The following SYCE1 variants were observed in gnomAD, a reference collection of about 807,000 sequenced individuals.
The protein encoded by SYCE1 is cancer/testis antigen 76.
SYCE1 carries 37 observed loss-of-function variants against 55.1 expected under a neutral mutation model. That is an observed-to-expected ratio of 0.67 (90% confidence interval 0.52 to 0.88). The LOEUF (loss-of-function observed/expected upper bound fraction) is 0.88, where lower values mean the gene tolerates loss of function less well. Among genes scored for constraint, SYCE1 ranks in the 40% least tolerant of loss-of-function variants. SYCE1 has a pLI of 0.00. For synonymous variants in SYCE1, 163 were observed against 159.4 expected, an observed-to-expected ratio of 1.02 and a Z score of -0.17; for missense variants, 399 against 416.4, an observed-to-expected ratio of 0.96 and a Z score of 0.36.
chr10:133,560,265 C>T lies in SYCE1; in HGVS notation c.74-112G>A, dbSNP rs1339389061. ...TCCAGCCAGAGTGGTGCCCCTTCTT[C>T]TTGTCCTGAGGTGGACAGTACACTA... On this transcript the variant is annotated intron_variant, in intron 1 of 12. Coordinates refer to ENST00000343131, the MANE Select transcript of SYCE1 (RefSeq NM_001143764.3). The T allele has an allele frequency of 1.1e-5, 9 of 844,680 alleles. No individual in the cohort carries two copies. In the East Asian group the frequency reaches 2.0e-4, roughly 19 times the overall value. 52.3% of individuals were successfully genotyped at this position (844,680 alleles called of 1,614,324 possible).
rs1245513948 is a variant in SYCE1, at chr10:133,554,882, G to A, written c.*110C>T. 6.9e-7 allele frequency: 1 copy of A among 1,458,244 alleles called. No individual in the cohort carries two copies. The highest frequency in any genetic ancestry group is 9.0e-7 in the Non-Finnish European group (1 of 1,104,980). 90.3% of individuals were successfully genotyped at this position (1,458,244 alleles called of 1,614,324 possible). A position where few individuals can be genotyped will look rare whatever the true frequency, so the allele number is the denominator to read the frequency against. On this transcript the variant is annotated 3_prime_UTR_variant, in exon 13 of 13. Coordinates refer to ENST00000343131, the MANE Select transcript of SYCE1 (RefSeq NM_001143764.3). ...GAAGCATTTATTGAAAACCTGTGATGTACCTCTGGCCCAGACCAAGAGGCA... is the reference window on the plus strand; with the variant it reads ...GAAGCATTTATTGAAAACCTGTGATATACCTCTGGCCCAGACCAAGAGGCA...
At chr10:133,560,001 C>T in intron 2 of SYCE1, 90 bp downstream of exon 2, 2 of 1,085,704 alleles carry the variant, frequency 1.8e-6, no homozygotes, top group East Asian at 2.4e-5. Context: ...GATTATTTCC[C>T]AAATTCGTAC....
chr10:133,561,573 C>T lies in SYCE1; in HGVS notation c.74-1420G>A, dbSNP rs1851815756. ...GGAAGACAAGTTTGAGGGTTTTTTT[C>T]CTGCTTCTAAGATGATAGAGAGCAG... On this transcript the variant is annotated intron_variant, in intron 1 of 12. Transcript: ENST00000343131. 2.0e-5 allele frequency among the ~76,000 whole-genome samples: 3 copies of T among 152,074 alleles called. 1 individual carries two copies. The South Asian group carries it at 6.2e-4, about 32-fold the overall frequency.
chr10:133,557,318 TG>T (rs1416062501), intron 6 of SYCE1, 162 bp from the exon 7 acceptor site: 1 of 651,728 alleles, frequency 1.5e-6, no homozygotes, highest in South Asian at 1.8e-5. Context: ...ATTTGCCCCC[TG>T]GAAGTATTGT....
rs780185568 is a variant in SYCE1 at position 133,558,166 on chromosome 10, C to T, written c.319+1G>A. 6.2e-7 allele frequency: 1 copy of T among 1,614,180 alleles called. No homozygotes were observed. Among genetic ancestry groups the T allele is most frequent in the South Asian group, 1.1e-5 (1 of 91,076 alleles). On this transcript the variant is annotated splice_donor_variant, in intron 5 of 12. Coordinates refer to ENST00000343131, the MANE Select transcript of SYCE1 (RefSeq NM_001143764.3). LOFTEE classifies it high-confidence loss of function. ...CCTGGAGACAGGGGAGCGGCAAATA[C>T]CTTGTTTTTTGCTCAAGATCTCCTT... is the stretch of plus-strand genomic sequence containing the variant.
rs1410075798 is a variant in SYCE1, at chr10:133,559,281, G to A, written c.196+20C>T. 6 of 1,613,696 alleles carry A rather than the reference G, an allele frequency of 3.7e-6. No individual in the cohort carries two copies. The highest frequency in any genetic ancestry group is 5.1e-6 in the Non-Finnish European group (6 of 1,179,694). On this transcript the variant is annotated intron_variant, in intron 3 of 12. Transcript: ENST00000343131. ...ACCATGCAGCTGGTCCTAGCTGGCA[G>A]CCAAGGCCCCTGAACTCACCTTGCT...
Position 133,554,958 on chromosome 10 carries a change from T to C in SYCE1, c.*34A>G, listed in dbSNP as rs2183163. 0.11 allele frequency: 168,102 copies of C among 1,497,280 alleles called. 10,657 individuals are homozygous for C. The highest frequency in any genetic ancestry group is 0.27 in the East Asian group (10,762 of 40,434). 92.7% of individuals were successfully genotyped at this position (1,497,280 alleles called of 1,614,324 possible). Reference sequence around the variant, plus strand: ...CACAGGAGACTGGGGATCTTGGGCCTGACCCCTACTCCTCACCAGTAGACT... The same window carrying C: ...CACAGGAGACTGGGGATCTTGGGCCCGACCCCTACTCCTCACCAGTAGACT... On this transcript the variant is annotated 3_prime_UTR_variant, in exon 13 of 13. Transcript: ENST00000343131.
At chr10:133,559,529 A>G (rs555251664) in intron 2 of SYCE1, 169 bp from the exon 3 acceptor site, 5 of 653,772 alleles carry the variant, frequency 7.6e-6, no homozygotes, top group Non-Finnish European at 1.4e-5. Context: ...AAGACTGGGA[A>G]CAGACACAAT....
In SYCE1 at chr10:133,554,885, C is replaced by G; in HGVS notation, c.*107G>C. The G allele has an allele frequency of 6.8e-7, 1 of 1,460,838 alleles. No homozygotes were observed. The highest frequency in any genetic ancestry group is 9.0e-7 in the Non-Finnish European group (1 of 1,106,232). 90.5% of individuals were successfully genotyped at this position (1,460,838 alleles called of 1,614,324 possible). A position where few individuals can be genotyped will look rare whatever the true frequency, so the allele number is the denominator to read the frequency against. On this transcript the variant is annotated 3_prime_UTR_variant, in exon 13 of 13. Coordinates refer to ENST00000343131, the MANE Select transcript of SYCE1 (RefSeq NM_001143764.3). ...GCATTTATTGAAAACCTGTGATGTA[C>G]CTCTGGCCCAGACCAAGAGGCAGAG...
intron 1 of SYCE1, 50 bp downstream of exon 1, chr10:133,565,406 GC>G: frequency 6.9e-7 from 1 of 1,459,588 alleles, no homozygotes; most frequent in South Asian, 1.4e-5. Flanking sequence ...ACCCTGCCCC[GC>G]CTCGGCGAGG....
Position 133,556,750 on chromosome 10 carries a change from G to A in SYCE1, c.528+9C>T, listed in dbSNP as rs766793997. On this transcript the variant is annotated intron_variant, in intron 8 of 12. Transcript: ENST00000343131. The stretch of plus-strand genomic sequence containing the variant: ...GTGGAAGGGGGAGGAGTGGCTTTGA[G>A]GGACTCACGTGGAAGTCCCAGAGGT... 1 of 1,559,068 alleles carries A rather than the reference G, an allele frequency of 6.4e-7. No homozygotes were observed. Among genetic ancestry groups the A allele is most frequent in the South Asian group, 1.2e-5 (1 of 84,700 alleles).
intron 12 of SYCE1, 88 bp downstream of exon 12, chr10:133,555,263 C>G: frequency 6.3e-7 from 1 of 1,587,574 alleles, no homozygotes; most frequent in Middle Eastern, 2.1e-4. Context: ...TCTGAGGAGT[C>G]CCAGGACCCC....
In SYCE1 at chr10:133,558,931, C is replaced by G. The variant is rs1248870813; in HGVS notation, c.217G>C (p.Asp73His). ...VQQAKKKANK[D>H]LGEARTICEA... The stretch of plus-strand genomic sequence containing the variant: ...CAGATGGTCCGGGCCTCTCCTAGGT[C>G]TTTATTGGCTTTCTTTTTTGCTTCA... The change falls in exon 4 of 13, where the codon GAC (aspartate) becomes CAC (histidine). Residue 73 changes from aspartate (D) to histidine (H), a missense_variant. Coordinates refer to ENST00000343131, the MANE Select transcript of SYCE1 (RefSeq NM_001143764.3). The G allele has an allele frequency of 1.2e-6, 2 of 1,611,206 alleles. No homozygotes were observed. The highest frequency in any genetic ancestry group is 1.7e-6 in the Non-Finnish European group (2 of 1,179,476).
At chr10:133,559,585 G>A in intron 2 of SYCE1, 2 of 549,588 alleles carry the variant, frequency 3.6e-6, no homozygotes, top group Non-Finnish European at 6.6e-6. Flanking sequence ...GAGAAATGAA[G>A]TAGGCCAAGG....
chr10:133,565,486 C>G lies in SYCE1; in HGVS notation c.44G>C (p.Gly15Ala). 6.5e-7 allele frequency: 1 copy of G among 1,550,314 alleles called. No homozygotes were observed. The highest frequency in any genetic ancestry group is 1.4e-5 in the African/African-American group (1 of 73,164). Residue 15 changes from glycine (G) to alanine (A), a missense_variant, in exon 1 of 13, where the codon GGA (glycine) becomes GCA (alanine). Transcript: ENST00000343131. ...SLTSKAEPTA[G>A]AVDRAEKAGG... Reference sequence around the variant, plus strand: ...GGCCTTCTCAGCCCTGTCCACGGCTCCTGCGGTGGGCTCGGCCTTCGATGT... The same window carrying G: ...GGCCTTCTCAGCCCTGTCCACGGCTGCTGCGGTGGGCTCGGCCTTCGATGT...
At chr10:133,565,866 A>G (rs1851922937), upstream of SYCE1, among the ~76,000 whole-genome samples, 1 of 152,178 alleles carries the variant, frequency 6.6e-6, no homozygotes, top group Non-Finnish European at 1.5e-5. Context: ...AGCAGTACGC[A>G]TGTGTAGCGC....
chr10:133,557,577 G>A, intron 6 of SYCE1: 1 of 532,566 alleles, frequency 1.9e-6, no homozygotes. Context: ...ACAGACAGAT[G>A]AGTGAATAGA....
chr10:133,559,560 G>C, intron 2 of SYCE1, 200 bp from the exon 3 acceptor site: 1 of 585,036 alleles, frequency 1.7e-6, no homozygotes. Flanking sequence ...ATGGGGCTGC[G>C]GTAACCGTGT....
At position 133,559,366 on chromosome 10, in the gene SYCE1, C is replaced by T. The variant is rs11101825; in HGVS notation, c.137-6G>A. On this transcript the variant is annotated splice_polypyrimidine_tract_variant and splice_region_variant and intron_variant, in intron 2 of 12. Coordinates refer to ENST00000343131, the MANE Select transcript of SYCE1 (RefSeq NM_001143764.3). ...TCGGGGCTCTAGGCTTCCCACTGCA[C>T]GGAGGAAAGGAGGTTGAGTTGACAG... is the stretch of plus-strand genomic sequence containing the variant. The T allele has an allele frequency of 4.4e-5, 71 of 1,613,880 alleles. No homozygotes were observed. The African/African-American group carries it at 5.3e-4, about 12-fold the overall frequency.
Sources: gnomAD v4.1 joint callset for allele counts (sites outside exome capture counted in the v4.1 genomes callset) on GRCh38, gnomAD v4.1.1 for gene constraint, MANE v1.5 for transcripts, NCBI Gene and HGNC (gene_info 2026-07-23, HGNC 2026-07-21) for gene names.